Variants in POU2AF1 observed in about 807,000 individuals in gnomAD.
POU2AF1 encodes POU domain class 2-associating factor 1.
A neutral mutation model predicts 26.3 loss-of-function variants in POU2AF1; 12 were observed. The observed-to-expected ratio is 0.46, with a 90% CI of 0.29 to 0.74. The LOEUF is 0.74. Ranked by LOEUF, POU2AF1 falls within the 30% of genes least tolerant of loss-of-function variation. POU2AF1 has a pLI of 0.09. For missense variants in POU2AF1, 297 were observed against 334.5 expected (o/e 0.89, Z 0.87); for synonymous variants, 175 against 148.0 (o/e 1.18, Z -1.32).
rs757586470 is a variant in POU2AF1, at chr11:111,357,650, C to G, written c.251G>C (p.Cys84Ser). 6.2e-7 allele frequency: 1 copy of G among 1,613,512 alleles called. No individual in the cohort carries two copies. Among genetic ancestry groups the G allele is most frequent in the South Asian group, 1.1e-5 (1 of 90,994 alleles). Reference protein sequence around the residue: ...VSAVTEEAALCAGWLSQPTPA... With the variant: ...VSAVTEEAALSAGWLSQPTPA... Reference sequence around the variant, plus strand: ...GGTGGGCTGGGAGAGCCAGCCGGCACACAGGGCAGCCTCCTCTGTCACTGC... The same window carrying G: ...GGTGGGCTGGGAGAGCCAGCCGGCAGACAGGGCAGCCTCCTCTGTCACTGC... The change falls in exon 4 of 5, where the codon TGT becomes TCT. Residue 84 changes from cysteine (C) to serine (S), a missense_variant. By Grantham distance (112) the Cys-to-Ser change is moderately radical. Coordinates refer to ENST00000393067, the MANE Select transcript of POU2AF1 (RefSeq NM_006235.3).
chr11:111,363,797 C>G, intron 1 of POU2AF1: 1 of 982,984 alleles, frequency 1.0e-6, no homozygotes, highest in Middle Eastern at 5.2e-4. Flanking sequence ...CTTGTAACTC[C>G]AAGTAGTTCA....
intron 1 of POU2AF1, among the ~76,000 whole-genome samples, chr11:111,366,395 G>T (rs571834388): frequency 4.3e-4 from 66 of 152,356 alleles, no homozygotes; most frequent in Non-Finnish European, 8.7e-4. Context: ...AGAGAAAGGG[G>T]AACCATGATT....
At chr11:111,361,656 T>G (rs999010798) in intron 1 of POU2AF1, among the ~76,000 whole-genome samples, 1 of 152,222 alleles carries the variant, frequency 6.6e-6, no homozygotes, top group Non-Finnish European at 1.5e-5. Context: ...TTCCTCCTAC[T>G]GAGGCTAACT....
At chr11:111,375,681 C>G (rs889560938) in intron 1 of POU2AF1, among the ~76,000 whole-genome samples, 4 of 152,070 alleles carry the variant, frequency 2.6e-5, no homozygotes, top group African/African-American at 4.8e-5. Context: ...TTACAGGCGC[C>G]CGCCACCGCA....
At chr11:111,361,379 C>T (rs1024474103) in intron 1 of POU2AF1, among the ~76,000 whole-genome samples, 3 of 152,196 alleles carry the variant, frequency 2.0e-5, no homozygotes, top group South Asian at 2.1e-4. Flanking sequence ...ACCACACATA[C>T]CTGTATTCAA....
chr11:111,360,130 G>A (rs983127620), intron 1 of POU2AF1: 4 of 483,556 alleles, frequency 8.3e-6, no homozygotes, highest in East Asian at 5.7e-5. Context: ...AAAAGCAGCC[G>A]TGGCTGGGAA....
intron 1 of POU2AF1, among the ~76,000 whole-genome samples, chr11:111,375,682 C>T (rs943770102): frequency 2.0e-5 from 3 of 151,970 alleles, no homozygotes; most frequent in South Asian, 2.1e-4. Flanking sequence ...TACAGGCGCC[C>T]GCCACCGCAC....
intron 1 of POU2AF1, among the ~76,000 whole-genome samples, chr11:111,360,900 C>T (rs1860994074): frequency 6.7e-6 from 1 of 148,220 alleles, no homozygotes; most frequent in Non-Finnish European, 1.5e-5. Flanking sequence ...GCTGAGATCA[C>T]ACCATTGCAC....
intron 1 of POU2AF1, among the ~76,000 whole-genome samples, chr11:111,365,091 C>G (rs966515623): frequency 1.3e-5 from 2 of 152,162 alleles, no homozygotes; most frequent in African/African-American, 2.4e-5. Context: ...TCTTCAGACC[C>G]CAGCATTAGT....
intron 2 of POU2AF1, among the ~76,000 whole-genome samples, 176 bp from the exon 3 acceptor site, chr11:111,358,013 C>T (rs1159845254): frequency 3.9e-5 from 6 of 152,116 alleles, no homozygotes; most frequent in African/African-American, 9.7e-5. Flanking sequence ...GAGAGATTTG[C>T]GTTTCTATTT....
intron 1 of POU2AF1, chr11:111,363,856 C>A (rs1479347403): frequency 2.0e-6 from 2 of 985,224 alleles, no homozygotes; most frequent in Non-Finnish European, 2.4e-6. Context: ...GTCTGAGGGC[C>A]TTTTAAGTCT....
In POU2AF1 at chr11:111,354,564, G is replaced by A. The variant is rs764766677; in HGVS notation, c.468C>T (p.Ser156=). The change falls in exon 5 of 5, where the codon TCC becomes TCT. Residue 156 remains serine, a synonymous_variant. Transcript: ENST00000393067. ...PLITNVTTRS[S]ATPAVGPPLE... is the part of the protein sequence containing the mutation. ...GCGGGGGCCCCACTGCGGGCGTGGCGGAGCTTCTTGTCTGTGACAGGAAAA... is the reference window on the plus strand; with the variant it reads ...GCGGGGGCCCCACTGCGGGCGTGGCAGAGCTTCTTGTCTGTGACAGGAAAA... 3.9e-5 allele frequency: 60 copies of A among 1,525,080 alleles called. No individual in the cohort carries two copies. The highest frequency in any genetic ancestry group is 4.1e-5 in the Non-Finnish European group (47 of 1,142,224). The allele number at this position is 1,525,080 out of a possible 1,614,324, so 94.5% of individuals were successfully genotyped here. A position where few individuals can be genotyped will look rare whatever the true frequency, so the allele number is the denominator to read the frequency against.
chr11:111,372,067 C>CAG (rs1192520089), intron 1 of POU2AF1, among the ~76,000 whole-genome samples: 8 of 144,524 alleles, frequency 5.5e-5, no homozygotes, highest in South Asian at 4.3e-4. Flanking sequence ...CACACACACA[C>CAG]ACAGAGAGAG....
Position 111,354,281 on chromosome 11 carries a change from G to C in POU2AF1, c.751C>G (p.Leu251Val). The change falls in exon 5 of 5, where the codon CTC becomes GTC. Residue 251 changes from leucine (L) to valine (V), a missense_variant. Leu to Val is a conservative substitution (Grantham distance 32, BLOSUM62 1). Transcript: ENST00000393067. ...CACGCCTAAAAGCCTTCCACAGAGA[G>C]AGTGTGGTTAAGCGCATAGGCGTCG... ...DSDAYALNHTLSVEGF is the reference protein window; with the variant it reads ...DSDAYALNHTVSVEGF 1 of 1,614,204 alleles carries C rather than the reference G, an allele frequency of 6.2e-7. No individual in the cohort carries two copies. Among genetic ancestry groups the C allele is most frequent in the South Asian group, 1.1e-5 (1 of 91,074 alleles).
chr11:111,368,537 C>G (rs1232854785), intron 1 of POU2AF1, among the ~76,000 whole-genome samples: 1 of 152,108 alleles, frequency 6.6e-6, no homozygotes, highest in Non-Finnish European at 1.5e-5. Context: ...TTGCTAAGAT[C>G]CAAATCTGCA....
chr11:111,374,121 T>C (rs1861264508), intron 1 of POU2AF1, among the ~76,000 whole-genome samples: 1 of 148,950 alleles, frequency 6.7e-6, no homozygotes, highest in African/African-American at 2.5e-5. Context: ...ACTTGATTTT[T>C]TTTTTTTTTT....
chr11:111,373,363 A>G lies in POU2AF1; in HGVS notation c.16+5799T>C, dbSNP rs569797594. ...GCCTTCTCACCTGGGAGCCATTTGC[A>G]GCTCTCCTTCAATGCCCAAGACAAT... On this transcript the variant is annotated intron_variant, in intron 1 of 4. Transcript: ENST00000393067. Among the ~76,000 whole-genome samples, 24 of 152,332 alleles carry G rather than the reference A, an allele frequency of 1.6e-4. 1 individual carries two copies. In the South Asian group the frequency reaches 5.0e-3, roughly 32 times the overall value.
Position 111,358,724 on chromosome 11 carries a change from T to A in POU2AF1, c.147+64A>T, listed in dbSNP as rs985044795. The A allele has an allele frequency of 1.4e-5, 21 of 1,515,944 alleles. No homozygotes were observed. The East Asian group carries it at 4.7e-4, about 34-fold the overall frequency. 93.9% of individuals were successfully genotyped at this position (1,515,944 alleles called of 1,614,324 possible). On this transcript the variant is annotated intron_variant, in intron 2 of 4. Coordinates refer to ENST00000393067, the MANE Select transcript of POU2AF1 (RefSeq NM_006235.3). ...CACACACACATACACTCTCACACTA[T>A]CCCTGACACACACATTCTCTTTCAC... is the stretch of plus-strand genomic sequence containing the variant.
chr11:111,362,603 C>T (rs1266505426), intron 1 of POU2AF1, among the ~76,000 whole-genome samples: 7 of 152,180 alleles, frequency 4.6e-5, no homozygotes, highest in South Asian at 2.1e-4. Context: ...CTTCACATAA[C>T]GTCCTCCAGT....
Sources: allele counts gnomAD v4.1 joint callset (sites outside exome capture counted in the v4.1 genomes callset), GRCh38; gene constraint gnomAD v4.1.1; transcripts MANE v1.5; gene names NCBI Gene and HGNC (gene_info 2026-07-23, HGNC 2026-07-21).